AGAP5: variants seen among roughly 807,000 people sequenced by gnomAD.
The protein encoded by AGAP5 is arf-GAP with GTPase, ANK repeat and PH domain-containing protein 5.
AGAP5 carries 8 observed loss-of-function variants against 27.7 expected under a neutral mutation model. The ratio of observed to expected loss-of-function variants is 0.29; its 90% CI spans 0.17 to 0.52. The LOEUF (loss-of-function observed/expected upper bound fraction) is 0.52. Among genes scored for constraint, AGAP5 ranks in the 20% least tolerant of loss-of-function variants. The pLI is 0.97. For synonymous variants in AGAP5, 111 were observed against 338.0 expected (o/e 0.33, Z 7.37); for missense variants, 285 against 880.8 (o/e 0.32, Z 8.56).
At chr10:73,685,698 G>A (rs1294721152) in intron 4 of AGAP5, among the ~76,000 whole-genome samples, 1 of 151,898 alleles carries the variant, frequency 6.6e-6, no homozygotes, top group African/African-American at 2.4e-5. Flanking sequence ...GATTACAGGT[G>A]AGCACCACCA....
intron 4 of AGAP5, among the ~76,000 whole-genome samples, chr10:73,689,333 G>C (rs530525468): frequency 4.7e-4 from 72 of 152,332 alleles, no homozygotes; most frequent in African/African-American, 1.7e-3. Flanking sequence ...ATCTCGGCTC[G>C]CTACAACCTC....
chr10:73,688,004 T>TA (rs1278666113), intron 4 of AGAP5, among the ~76,000 whole-genome samples: 8 of 151,012 alleles, frequency 5.3e-5, no homozygotes, highest in Admixed American at 4.0e-4. Flanking sequence ...GAAAGCAGGG[T>TA]AAAATGTAAA....
intron 4 of AGAP5, among the ~76,000 whole-genome samples, chr10:73,689,750 G>A (rs1490798985): frequency 2.5e-4 from 38 of 150,762 alleles, no homozygotes; most frequent in Middle Eastern, 6.9e-3. Context: ...CCCTCCGCCT[G>A]GCAGCGCCCC....
At chr10:73,697,214 T>A in intron 1 of AGAP5, 51 bp from the exon 2 acceptor site, 1 of 1,587,804 alleles carries the variant, frequency 6.3e-7, no homozygotes, top group Non-Finnish European at 8.5e-7. Context: ...TTATAAAAAT[T>A]TATCAACTCA....
chr10:73,693,671 C>G (rs532627652), intron 3 of AGAP5, among the ~76,000 whole-genome samples: 217 of 151,350 alleles, frequency 1.4e-3, no homozygotes, highest in Non-Finnish European at 2.6e-3. Flanking sequence ...TGCACTCCAG[C>G]CTGGGCAACA....
rs1216406136 is a variant in AGAP5 at position 73,697,722 on chromosome 10, T to C, written c.34A>G (p.Ser12Gly). 1 of 1,597,848 alleles carries C rather than the reference T, an allele frequency of 6.3e-7. No individual in the cohort carries two copies. Among genetic ancestry groups the C allele is most frequent in the East Asian group, 2.2e-5 (1 of 44,876 alleles). The change falls in exon 1 of 8, where the codon AGC becomes GGC. Residue 12 changes from serine to glycine, a missense_variant. Ser to Gly is a moderately conservative substitution (Grantham distance 56). Coordinates refer to ENST00000374094, the MANE Select transcript of AGAP5 (RefSeq NM_001144000.4). The stretch of plus-strand genomic sequence containing the variant: ...TGCTGGTCAAACTCGAGGCTGACGC[T>C]AGGGTGCACACAACAGGTCAGTATG... ...GNILTCCVHP[S>G]VSLEFDQQQG...
At chr10:73,688,049 A>T (rs1053282706) in intron 4 of AGAP5, among the ~76,000 whole-genome samples, 3 of 151,916 alleles carry the variant, frequency 2.0e-5, no homozygotes, top group Non-Finnish European at 4.4e-5. Context: ...GCAAATCTCT[A>T]ACTAGAGCCT....
At chr10:73,697,227 T>C (rs2082168502) in intron 1 of AGAP5, 64 bp from the exon 2 acceptor site, 1 of 1,584,726 alleles carries the variant, frequency 6.3e-7, no homozygotes, top group African/African-American at 1.3e-5. Flanking sequence ...TCAACTCATT[T>C]ATTCAACTGC....
intron 4 of AGAP5, among the ~76,000 whole-genome samples, chr10:73,686,058 C>A (rs1366845847): frequency 2.0e-5 from 3 of 152,086 alleles, no homozygotes; most frequent in African/African-American, 7.2e-5. Context: ...AAAAACAATC[C>A]TGAAATTTAT....
Position 73,696,035 on chromosome 10 carries a change from C to T in AGAP5, c.292+1060G>A, listed in dbSNP as rs868155589. Among the ~76,000 whole-genome samples, 50 of 151,546 alleles carry T rather than the reference C, an allele frequency of 3.3e-4. No homozygotes were observed. The Middle Eastern group carries it at 0.01, about 31-fold the overall frequency. On this transcript the variant is annotated intron_variant, in intron 2 of 7. Coordinates refer to ENST00000374094, the MANE Select transcript of AGAP5 (RefSeq NM_001144000.4). The stretch of plus-strand genomic sequence containing the variant: ...TCTTTCCTTTTTTTTTTTTGTGAGA[C>T]GGAGTCTCGCTCTGTCACCCAGGCT...
At chr10:73,690,550 T>C (rs987456432) in intron 4 of AGAP5, among the ~76,000 whole-genome samples, 1 of 150,376 alleles carries the variant, frequency 6.6e-6, no homozygotes, top group African/African-American at 2.5e-5. Flanking sequence ...CCCTCCACTA[T>C]TGTCCTGTGA....
chr10:73,675,376 A>T lies in AGAP5; in HGVS notation c.1284T>A (p.Tyr428Ter), dbSNP rs752003919. Residue 428 changes from tyrosine to a stop codon, truncating the protein, a stop_gained, in exon 8 of 8, where the codon TAT (tyrosine) becomes TAA (stop). Coordinates refer to ENST00000374094, the MANE Select transcript of AGAP5 (RefSeq NM_001144000.4). LOFTEE classifies it low-confidence loss of function (END_TRUNC). ...CTTGGACCCAGGCATCCCGCTCCTCATACGTCGTGGCTTCAAAGTGCCATG... is the reference window on the plus strand; with the variant it reads ...CTTGGACCCAGGCATCCCGCTCCTCTTACGTCGTGGCTTCAAAGTGCCATG... ...GQTWHFEATT[Y>*]EERDAWVQAI... 12 of 1,613,710 alleles carry T rather than the reference A, an allele frequency of 7.4e-6. No individual in the cohort carries two copies. The East Asian group carries it at 2.7e-4, about 36-fold the overall frequency.
At chr10:73,678,010 G>A (rs1156289270) in intron 6 of AGAP5, among the ~76,000 whole-genome samples, 2 of 152,190 alleles carry the variant, frequency 1.3e-5, no homozygotes, top group Non-Finnish European at 2.9e-5. Context: ...TTAATGAGAA[G>A]TGCTTTTTTT....
intron 4 of AGAP5, among the ~76,000 whole-genome samples, chr10:73,690,606 T>A (rs9733806): frequency 0.61 from 70,176 of 114,794 alleles, 19,062 homozygotes; most frequent in Middle Eastern, 0.72. Context: ...AATGATCAAT[T>A]AAAAAAAAAA....
intron 2 of AGAP5, among the ~76,000 whole-genome samples, chr10:73,695,811 AAT>A (rs2082156553): frequency 6.6e-6 from 1 of 152,090 alleles, no homozygotes; most frequent in Non-Finnish European, 1.5e-5. Flanking sequence ...AACTGGATTT[AAT>A]ATGTTTATGA....
In AGAP5 at chr10:73,697,103, T is replaced by C. The variant is rs760437620; in HGVS notation, c.284A>G (p.Gln95Arg). 6.3e-7 allele frequency: 1 copy of C among 1,597,926 alleles called. No homozygotes were observed. Among genetic ancestry groups the C allele is most frequent in the African/African-American group, 1.3e-5 (1 of 74,972 alleles). Residue 95 changes from glutamine (Q) to arginine (R), a missense_variant, in exon 2 of 8, where the codon CAA (glutamine) becomes CGA (arginine). Physicochemically the swap from Gln to Arg is conservative, Grantham distance 43. Transcript: ENST00000374094. ...EASTIFQRNS[Q>R]TDALEFNPSA... The stretch of plus-strand genomic sequence containing the variant: ...AGACACTGTTGTCTCACCATCTGTT[T>C]GAGAGTTCCTCTGGAATATTGTGCT...
intron 4 of AGAP5, among the ~76,000 whole-genome samples, chr10:73,691,232 T>G (rs1375621982): frequency 1.3e-5 from 2 of 152,346 alleles, no homozygotes; most frequent in East Asian, 1.9e-4. Flanking sequence ...GAAGGACATG[T>G]AATGCAGAGG....
intron 3 of AGAP5, among the ~76,000 whole-genome samples, chr10:73,692,633 ATTTTT>A (rs71021562): frequency 6.5e-4 from 50 of 77,016 alleles, no homozygotes; most frequent in African/African-American, 2.2e-3. Flanking sequence ...CCTATCTTAA[ATTTTT>A]TTTTTTTTTT....
chr10:73,691,385 G>A (rs1224515701), intron 4 of AGAP5, among the ~76,000 whole-genome samples: 1 of 152,060 alleles, frequency 6.6e-6, no homozygotes, highest in South Asian at 2.1e-4. Context: ...AGCGGGGAAG[G>A]TATGCTTTTA....
Sources: allele counts gnomAD v4.1 joint callset (sites outside exome capture counted in the v4.1 genomes callset), GRCh38; gene constraint gnomAD v4.1.1; transcripts MANE v1.5; gene names NCBI Gene and HGNC (gene_info 2026-07-23, HGNC 2026-07-21).